Variants in NF1 observed in about 807,000 individuals in gnomAD.
NF1 encodes the protein neurofibromin.
A neutral mutation model predicts 325.7 loss-of-function variants in NF1; 122 were observed. That is an observed-to-expected ratio of 0.37 (90% CI 0.32 to 0.44). The LOEUF (loss-of-function observed/expected upper bound fraction) is 0.44. Ranked by LOEUF, NF1 falls within the 20% of genes least tolerant of loss-of-function variation. NF1 has a pLI of 1.00. For missense variants in NF1, 2,140 were observed against 3,415.4 expected (o/e 0.63, Z 9.31); for synonymous variants, 1,091 against 1,186.0 (o/e 0.92, Z 1.65).
chr17:31,137,998 C>T lies in NF1; in HGVS notation c.61-17985C>T, dbSNP rs190551899. On this transcript the variant is annotated intron_variant, in intron 1 of 57. Coordinates refer to ENST00000358273, the MANE Select transcript of NF1 (RefSeq NM_001042492.3). ...ATCCTTGGAATTTTTTTTTATTTGT[C>T]CTTGCTATTCTGCAGTTCAATAATA... 1.7e-3 allele frequency: 254 copies of T among 151,442 alleles called. 3 individuals are homozygous for T. The highest frequency in any genetic ancestry group is 5.8e-3 in the African/African-American group (239 of 41,322). The allele number at this position is 151,442 out of a possible 1,614,324, so 9.4% of individuals were successfully genotyped here. A position where few individuals can be genotyped will look rare whatever the true frequency, so the allele number is the denominator to read the frequency against.
At chr17:31,186,957 A>G (rs977259853) in intron 8 of NF1, among the ~76,000 whole-genome samples, 7 of 152,154 alleles carry the variant, frequency 4.6e-5, no homozygotes, top group Admixed American at 3.3e-4. Flanking sequence ...TACCTTGTTG[A>G]TTATATTGGA....
At chr17:31,334,618 CT>C (rs746565762) in intron 39 of NF1, 4 of 510,784 alleles carry the variant, frequency 7.8e-6, no homozygotes, top group South Asian at 2.6e-5. Context: ...TAAGACAAAA[CT>C]TTTCAAAAAT....
Position 31,374,460 on chromosome 17 carries a change from G to C in NF1, c.*305G>C. ...TAACTGAGAAATCTCAATTGTAAGA[G>C]AGGATGAATTCTTGAATACTGCTAC... On this transcript the variant is annotated 3_prime_UTR_variant, in exon 58 of 58. Transcript: ENST00000358273. 1 of 469,662 alleles carries C rather than the reference G, an allele frequency of 2.1e-6. No homozygotes were observed. The highest frequency in any genetic ancestry group is 3.8e-5 in the East Asian group (1 of 26,500). 29.1% of individuals were successfully genotyped at this position (469,662 alleles called of 1,614,324 possible).
intron 1 of NF1, among the ~76,000 whole-genome samples, chr17:31,124,767 T>G (rs1438022956): frequency 1.3e-5 from 2 of 151,184 alleles, no homozygotes; most frequent in Non-Finnish European, 3.0e-5. Flanking sequence ...GCGGGCTAAT[T>G]TTTTTTTGTA....
chr17:31,268,948 C>G (rs924543646), intron 36 of NF1, among the ~76,000 whole-genome samples: 1 of 151,914 alleles, frequency 6.6e-6, no homozygotes, highest in Admixed American at 6.6e-5. Flanking sequence ...TCAAGCAATC[C>G]TCCTGCCTTG....
In NF1 at chr17:31,349,095, T is replaced by G. The variant is rs547596654; in HGVS notation, c.7190-25T>G. On this transcript the variant is annotated intron_variant, in intron 48 of 57. Coordinates refer to ENST00000358273, the MANE Select transcript of NF1 (RefSeq NM_001042492.3). ...AAAAAATTAATTCTTACTTGTTTGTTTGTTTGTTTGTTTGTTTTTTGTAGG... is the reference window on the plus strand; with the variant it reads ...AAAAAATTAATTCTTACTTGTTTGTGTGTTTGTTTGTTTGTTTTTTGTAGG... 14 of 1,554,028 alleles carry G rather than the reference T, an allele frequency of 9.0e-6. No homozygotes were observed. In the South Asian group the frequency reaches 1.6e-4, roughly 18 times the overall value.
At chr17:31,236,571 C>T (rs1433166380) in intron 29 of NF1, among the ~76,000 whole-genome samples, 1 of 151,764 alleles carries the variant, frequency 6.6e-6, no homozygotes. Flanking sequence ...TCCTGAGTAG[C>T]TGGGATTACA....
intron 36 of NF1, chr17:31,304,601 C>A: frequency 6.2e-7 from 1 of 1,614,108 alleles, no homozygotes; most frequent in Non-Finnish European, 8.5e-7. Flanking sequence ...GGAGGCAGAT[C>A]TGCATCATCT....
At position 31,338,068 on chromosome 17, in the gene NF1, G is replaced by A. The variant is rs1208488322; in HGVS notation, c.6748G>A (p.Val2250Ile). Residue 2250 changes from valine (V) to isoleucine (I), a missense_variant, in exon 45 of 58, where the codon GTT becomes ATT. By Grantham distance (29) the Val-to-Ile change is conservative (BLOSUM62 3). This residue lies in a region of NF1 where 522 missense variants were observed against 749.0 expected (regional missense o/e 0.70). Coordinates refer to ENST00000358273, the MANE Select transcript of NF1 (RefSeq NM_001042492.3). ...YNPSLQPRAL[V>I]VFGCISKRVS... ...TCCATCCCTGCAACCAAGAGCTCTT[G>A]TTGTCTTTGGGTGTATTAGCAAACG... is the stretch of plus-strand genomic sequence containing the variant. 2 of 1,613,784 alleles carry A rather than the reference G, an allele frequency of 1.2e-6. No individual in the cohort carries two copies. The highest frequency in any genetic ancestry group is 1.7e-6 in the Non-Finnish European group (2 of 1,179,880).
chr17:31,175,345 C>CTTTTTTTTTT (rs869113407), intron 5 of NF1, among the ~76,000 whole-genome samples: 5 of 71,340 alleles, frequency 7.0e-5, no homozygotes, highest in African/African-American at 5.7e-5. Flanking sequence ...TGTGCTTTTG[C>CTTTTTTTTTT]TTTTTTTTTT....
rs751185450 is a variant in NF1, at chr17:31,169,074, T to C, written c.480-817T>C. 2.6e-5 allele frequency among the ~76,000 whole-genome samples: 4 copies of C among 152,230 alleles called. No homozygotes were observed. The East Asian group carries it at 7.7e-4, about 29-fold the overall frequency. On this transcript the variant is annotated intron_variant, in intron 4 of 57. Transcript: ENST00000358273. ...CATGAAGTTTTTTCTTTCAATATTA[T>C]AACAGGCTTGTGTGTTTTAATTTAT...
At chr17:31,230,187 G>T in intron 22 of NF1, 73 bp from the exon 23 acceptor site, 1 of 1,539,882 alleles carries the variant, frequency 6.5e-7, no homozygotes, top group Non-Finnish European at 8.9e-7. Context: ...TTTACTTGAT[G>T]ACTAAAGTAT....
intron 15 of NF1, chr17:31,222,812 CTT>C: frequency 1.3e-5 from 2 of 159,586 alleles, no homozygotes; most frequent in Middle Eastern, 5.7e-3. Context: ...ACAAGCCACA[CTT>C]AAAGTGCTCA....
intron 14 of NF1, among the ~76,000 whole-genome samples, chr17:31,220,353 T>C (rs1018770902): frequency 6.6e-6 from 1 of 152,202 alleles, no homozygotes; most frequent in Non-Finnish European, 1.5e-5. Context: ...GTCCCGTAAA[T>C]TGATACATTT....
At chr17:31,211,809 G>A (rs2066732452) in intron 12 of NF1, among the ~76,000 whole-genome samples, 1 of 152,190 alleles carries the variant, frequency 6.6e-6, no homozygotes, top group East Asian at 1.9e-4. Flanking sequence ...CTGTGGGTGA[G>A]TCATTGAGTG....
rs1597735043 is a variant in NF1 at position 31,249,016 on chromosome 17, A to C, written c.4007A>C (p.Gln1336Pro). 1 of 1,614,150 alleles carries C rather than the reference A, an allele frequency of 6.2e-7. No homozygotes were observed. The highest frequency in any genetic ancestry group is 8.5e-7 in the Non-Finnish European group (1 of 1,180,012). ...CCATCAGAGAGCCTTGAGGAAAACC[A>C]GCGGAACCTCCTTCAGATGACTGAA... ...LEPSESLEEN[Q>P]RNLLQMTEKF... Residue 1336 changes from glutamine to proline, a missense_variant, in exon 30 of 58, where the codon CAG becomes CCG. Physicochemically the swap from Gln to Pro is moderately conservative, Grantham distance 76. Transcript: ENST00000358273.
chr17:31,360,788 A>C, intron 57 of NF1, 85 bp downstream of exon 57: 1 of 1,256,414 alleles, frequency 8.0e-7, no homozygotes. Context: ...GTTTATAGCA[A>C]ATTTTGCTCC....
At chr17:31,120,752 C>T (rs1914355523) in intron 1 of NF1, among the ~76,000 whole-genome samples, 1 of 150,964 alleles carries the variant, frequency 6.6e-6, no homozygotes, top group Non-Finnish European at 1.5e-5. Flanking sequence ...CAAACCTGCA[C>T]ATTCTGCACA....
At chr17:31,307,041 T>C (rs890871340) in intron 36 of NF1, among the ~76,000 whole-genome samples, 6 of 151,838 alleles carry the variant, frequency 4.0e-5, no homozygotes, top group African/African-American at 7.3e-5. Flanking sequence ...TTTTTTTTTT[T>C]CAAGACAGTC....
Sources: gnomAD v4.1 joint callset for allele counts (sites outside exome capture counted in the v4.1 genomes callset) on GRCh38, gnomAD v4.1.1 for gene constraint, gnomAD v4.1.1 regional missense constraint, MANE v1.5 for transcripts, NCBI Gene and HGNC (gene_info 2026-07-23, HGNC 2026-07-21) for gene names.